Variants in MOCOS observed in about 807,000 individuals in gnomAD.
The protein encoded by MOCOS is molybdenum cofactor sulfurase.
In MOCOS, 86 loss-of-function variants were observed where a neutral mutation model predicts 83.6. The ratio of observed to expected loss-of-function variants is 1.03; its 90% CI spans 0.86 to 1.23. MOCOS has a LOEUF of 1.23. Among genes scored for constraint, MOCOS ranks in the 50% most tolerant of loss-of-function variants. The probability of loss-of-function intolerance (pLI) is 0.00; values close to 1 mark genes in which losing one functional copy is unlikely to be tolerated. For synonymous variants in MOCOS, 445 were observed against 434.7 expected (o/e 1.02, Z -0.29); for missense variants, 1,120 against 1,126.9 (o/e 0.99, Z 0.09).
Position 36,215,586 on chromosome 18 carries a change from T to A in MOCOS, c.1406T>A (p.Phe469Tyr), listed in dbSNP as rs758274744. The A allele has an allele frequency of 3.7e-6, 6 of 1,614,156 alleles. No homozygotes were observed. The highest frequency in any genetic ancestry group is 5.1e-6 in the Non-Finnish European group (6 of 1,180,034). Residue 469 changes from phenylalanine to tyrosine, a missense_variant, in exon 8 of 15, where the codon TTT (phenylalanine) becomes TAT (tyrosine). Physicochemically the swap from Phe to Tyr is conservative, Grantham distance 22 (BLOSUM62 3). Transcript: ENST00000261326. ...CCCACAGGATCTGTGAGGATTTCAT[T>A]TGGATACATGTCGACGCTGGATGAT... ...GQPTGSVRIS[F>Y]GYMSTLDDVQ... is the part of the protein sequence containing the mutation.
Position 36,193,014 on chromosome 18 carries a change from A to T in MOCOS, c.143-2243A>T, listed in dbSNP as rs539990527. The stretch of plus-strand genomic sequence containing the variant: ...ACACTTTGCAGTTTCAAAACTTACT[A>T]CAAAGTTACAGAATGGGCCGGGCGC... On this transcript the variant is annotated intron_variant, in intron 1 of 14. Coordinates refer to ENST00000261326, the MANE Select transcript of MOCOS (RefSeq NM_017947.4). 2.6e-5 allele frequency among the ~76,000 whole-genome samples: 4 copies of T among 152,170 alleles called. No homozygotes were observed. The South Asian group carries it at 8.3e-4, about 32-fold the overall frequency.
chr18:36,266,257 T>C (rs772322977), intron 13 of MOCOS, among the ~76,000 whole-genome samples: 1 of 152,140 alleles, frequency 6.6e-6, no homozygotes, highest in Non-Finnish European at 1.5e-5. Context: ...TTCCTCAGCC[T>C]CCTGGGTAGA....
chr18:36,211,314 C>CT (rs1235775755), intron 6 of MOCOS, among the ~76,000 whole-genome samples: 1 of 152,166 alleles, frequency 6.6e-6, no homozygotes, highest in African/African-American at 2.4e-5. Flanking sequence ...TTGGAAGTCA[C>CT]TGCATGGTGA....
At chr18:36,193,063 G>A (rs1301404368) in intron 1 of MOCOS, among the ~76,000 whole-genome samples, 1 of 151,744 alleles carries the variant, frequency 6.6e-6, no homozygotes, top group Admixed American at 6.6e-5. Flanking sequence ...TGTAATCCCA[G>A]CACTTTGGGA....
intron 13 of MOCOS, among the ~76,000 whole-genome samples, chr18:36,264,323 G>T (rs2091674156): frequency 6.6e-6 from 1 of 152,166 alleles, no homozygotes; most frequent in African/African-American, 2.4e-5. Flanking sequence ...GCTGCTAGAG[G>T]CTGGGGCTGG....
intron 9 of MOCOS, among the ~76,000 whole-genome samples, chr18:36,224,868 G>A (rs1445774709): frequency 6.6e-6 from 1 of 152,178 alleles, no homozygotes; most frequent in African/African-American, 2.4e-5. Flanking sequence ...ATAGCATTCA[G>A]CAGTGAAGCC....
At chr18:36,243,614 G>T (rs772862822) in intron 9 of MOCOS, among the ~76,000 whole-genome samples, 6 of 152,052 alleles carry the variant, frequency 3.9e-5, no homozygotes, top group Non-Finnish European at 8.8e-5. Context: ...TGGTATTAGG[G>T]TGATACTGGC....
Position 36,199,766 on chromosome 18 carries a change from C to A in MOCOS, c.383C>A (p.Ala128Glu), listed in dbSNP as rs761368896. ...AGSTAALKLV[A>E]EAFPWVSQGP... The stretch of plus-strand genomic sequence containing the variant: ...AGCACGGCTGCTCTCAAACTGGTGG[C>A]AGAGGCCTTTCCATGGGTGTCCCAG... Residue 128 changes from alanine (A) to glutamate (E), a missense_variant, in exon 4 of 15, where the codon GCA becomes GAA. Transcript: ENST00000261326. 1 of 1,614,170 alleles carries A rather than the reference C, an allele frequency of 6.2e-7. No homozygotes were observed. The highest frequency in any genetic ancestry group is 8.5e-7 in the Non-Finnish European group (1 of 1,180,040).
At chr18:36,198,200 C>A (rs2091397437) in intron 2 of MOCOS, among the ~76,000 whole-genome samples, 1 of 152,144 alleles carries the variant, frequency 6.6e-6, no homozygotes, top group Non-Finnish European at 1.5e-5. Context: ...CCAGCCTGGG[C>A]AGCACAGTGA....
chr18:36,248,914 T>G lies in MOCOS; in HGVS notation c.1961-8T>G. Reference sequence around the variant, plus strand: ...ATGATAAATTTGTTTTTAACCTTTGTTCATTAGGGATGGAGCCTATAGAGG... The same window carrying G: ...ATGATAAATTTGTTTTTAACCTTTGGTCATTAGGGATGGAGCCTATAGAGG... On this transcript the variant is annotated splice_region_variant and splice_polypyrimidine_tract_variant and intron_variant, in intron 9 of 14. Transcript: ENST00000261326. 1 of 1,612,482 alleles carries G rather than the reference T, an allele frequency of 6.2e-7. No homozygotes were observed.
In MOCOS at chr18:36,270,333, C is replaced by T. The variant is rs2091695205; in HGVS notation, c.*1648C>T. 6.6e-6 allele frequency: 1 copy of T among 152,204 alleles called. No homozygotes were observed. Among genetic ancestry groups the T allele is most frequent in the African/African-American group, 2.4e-5 (1 of 41,432 alleles). The allele number at this position is 152,204 out of a possible 1,614,324, so 9.4% of individuals were successfully genotyped here. A position where few individuals can be genotyped will look rare whatever the true frequency, so the allele number is the denominator to read the frequency against. ...ATGCAGGAGGGAACTTTCCAGATGGCACATTGCCCCATTTCCAAGACCTTC... is the reference window on the plus strand; with the variant it reads ...ATGCAGGAGGGAACTTTCCAGATGGTACATTGCCCCATTTCCAAGACCTTC... On this transcript the variant is annotated 3_prime_UTR_variant, in exon 15 of 15. Transcript: ENST00000261326.
chr18:36,198,248 C>T (rs73430957), intron 2 of MOCOS, among the ~76,000 whole-genome samples: 4 of 151,910 alleles, frequency 2.6e-5, no homozygotes, highest in Admixed American at 6.6e-5. Context: ...AAAAAGTTAG[C>T]CAGGTGTAGT....
At position 36,200,306 on chromosome 18, in the gene MOCOS, G is replaced by A. The variant is rs765460757; in HGVS notation, c.923G>A (p.Arg308Lys). The change falls in exon 4 of 15, where the codon AGG (arginine) becomes AAG (lysine). Residue 308 changes from arginine to lysine, a missense_variant. Coordinates refer to ENST00000261326, the MANE Select transcript of MOCOS (RefSeq NM_017947.4). ...GCAGGAGAAGACTTCTACATCCCGA[G>A]GCAGTCGGTAGCTCAGAGGTAACCT... is the stretch of plus-strand genomic sequence containing the variant. ...YLAGEDFYIP[R>K]QSVAQRFEDG... The A allele has an allele frequency of 6.8e-6, 11 of 1,614,114 alleles. No individual in the cohort carries two copies. The highest frequency in any genetic ancestry group is 9.3e-6 in the Non-Finnish European group (11 of 1,180,042).
chr18:36,202,155 T>TTAA (rs2091417111), intron 4 of MOCOS, among the ~76,000 whole-genome samples: 1 of 152,208 alleles, frequency 6.6e-6, no homozygotes, highest in Non-Finnish European at 1.5e-5. Flanking sequence ...CTCAATAGAT[T>TTAA]TAATACTCAA....
At chr18:36,267,824 TA>T (rs1444558298) in intron 14 of MOCOS, among the ~76,000 whole-genome samples, 2 of 152,236 alleles carry the variant, frequency 1.3e-5, no homozygotes, top group African/African-American at 2.4e-5. Flanking sequence ...CTTTTATTTT[TA>T]AATTTTGGAA....
chr18:36,250,611 T>G (rs949937206), intron 10 of MOCOS, among the ~76,000 whole-genome samples: 1 of 152,152 alleles, frequency 6.6e-6, no homozygotes, highest in Non-Finnish European at 1.5e-5. Context: ...AACTTACACA[T>G]TCATTTAGCA....
chr18:36,191,858 C>T (rs2091367723), intron 1 of MOCOS, among the ~76,000 whole-genome samples: 1 of 152,204 alleles, frequency 6.6e-6, no homozygotes, highest in African/African-American at 2.4e-5. Context: ...TTGTTCATTG[C>T]TGTGTCTCCA....
rs1289384483 is a variant in MOCOS at position 36,251,233 on chromosome 18, TCAAA to T, written c.2119_2122del (p.Gln707ValfsTer27). On this transcript the variant is annotated frameshift_variant, in exon 11 of 15. Coordinates refer to ENST00000261326, the MANE Select transcript of MOCOS (RefSeq NM_017947.4). LOFTEE classifies it high-confidence loss of function. ...TTTTTTGGCCGTCCTTGTCATTTGA[TCAAA>T]CAAAGTTCAAACTCTCAAAGGAATG... The T allele has an allele frequency of 5.0e-6, 8 of 1,613,894 alleles. No individual in the cohort carries two copies. Among genetic ancestry groups the T allele is most frequent in the East Asian group, 2.2e-5 (1 of 44,894 alleles).
chr18:36,242,601 G>C (rs1009580764), intron 9 of MOCOS, among the ~76,000 whole-genome samples: 5 of 152,216 alleles, frequency 3.3e-5, no homozygotes, highest in African/African-American at 1.2e-4. Flanking sequence ...ATCTGAGACT[G>C]GGTAATTTAT....
Sources: allele counts gnomAD v4.1 joint callset (sites outside exome capture counted in the v4.1 genomes callset), GRCh38; gene constraint gnomAD v4.1.1; transcripts MANE v1.5; gene names NCBI Gene and HGNC (gene_info 2026-07-23, HGNC 2026-07-21).